Variants in KIF13B observed in about 807,000 individuals in gnomAD.
The protein encoded by KIF13B is kinesin-like protein KIF13B.
KIF13B carries 127 observed loss-of-function variants against 222.0 expected under a neutral mutation model. The ratio of observed to expected loss-of-function variants is 0.57; its 90% CI spans 0.50 to 0.66. The LOEUF is 0.66. Ranked by LOEUF, KIF13B falls within the 30% of genes least tolerant of loss-of-function variation. The pLI is 0.00. For synonymous variants in KIF13B, 976 were observed against 919.0 expected (o/e 1.06, Z -1.12); for missense variants, 2,173 against 2,379.0 (o/e 0.91, Z 1.80).
In KIF13B at chr8:29,092,785, T is replaced by C. The variant is rs772336597; in HGVS notation, c.4418A>G (p.Asp1473Gly). ...KLLKSLFPVR[D>G]EKRGKRPSPL... ...AGACGGCCGCTTGCCCCTCTTCTCA[T>C]CGCGGACGGGAAAGAGAGACTTGAG... The change falls in exon 37 of 40, where the codon GAT becomes GGT. Residue 1473 changes from aspartate (D) to glycine (G), a missense_variant. This residue lies in a region of KIF13B where 693 missense variants were observed against 656.2 expected (regional missense o/e 1.06). Coordinates refer to ENST00000524189, the MANE Select transcript of KIF13B (RefSeq NM_015254.4). 1.2e-6 allele frequency: 2 copies of C among 1,613,534 alleles called. No individual in the cohort carries two copies. The highest frequency in any genetic ancestry group is 1.1e-5 in the South Asian group (1 of 90,920).
In KIF13B at chr8:29,216,603, A is replaced by G. The variant is rs558842801; in HGVS notation, c.150-20404T>C. ...GACAAAGTGAGACTCTGTCTCAAAA[A>G]AGATTTTTTTAATTAAAAAAAAAAT... On this transcript the variant is annotated intron_variant, in intron 2 of 39. Coordinates refer to ENST00000524189, the MANE Select transcript of KIF13B (RefSeq NM_015254.4). Among the ~76,000 whole-genome samples, 94 of 148,332 alleles carry G rather than the reference A, an allele frequency of 6.3e-4. 5 individuals carry two copies. The South Asian group carries it at 0.018, about 29-fold the overall frequency.
chr8:29,140,014 T>G, intron 21 of KIF13B, 49 bp downstream of exon 21: 1 of 1,507,200 alleles, frequency 6.6e-7, no homozygotes, highest in South Asian at 1.3e-5. Flanking sequence ...TGGCAAAAAC[T>G]GCAATGACTT....
chr8:29,105,942 G>C (rs1047391454), intron 35 of KIF13B, among the ~76,000 whole-genome samples: 5 of 151,826 alleles, frequency 3.3e-5, no homozygotes, highest in Non-Finnish European at 7.4e-5. Context: ...TACAGGCCTG[G>C]CCAGAGTTTT....
chr8:29,180,312 A>C, intron 7 of KIF13B, 74 bp from the exon 8 acceptor site: 14 of 1,454,282 alleles, frequency 9.6e-6, no homozygotes, highest in Non-Finnish European at 1.3e-5. Context: ...TATACTACAA[A>C]ATTCATTGCA....
intron 37 of KIF13B, among the ~76,000 whole-genome samples, chr8:29,081,295 G>C (rs1017670522): frequency 6.6e-6 from 1 of 152,180 alleles, no homozygotes; most frequent in South Asian, 2.1e-4. Flanking sequence ...CCCCAACAGG[G>C]CAGCAGCCCT....
intron 1 of KIF13B, among the ~76,000 whole-genome samples, chr8:29,247,311 C>A (rs964762580): frequency 1.3e-5 from 2 of 152,046 alleles, no homozygotes; most frequent in African/African-American, 2.4e-5. Context: ...TCCTTTGAGC[C>A]CAGGAGTTCA....
chr8:29,082,641 A>G (rs1481185507), intron 37 of KIF13B, among the ~76,000 whole-genome samples: 1 of 152,120 alleles, frequency 6.6e-6, no homozygotes, highest in Non-Finnish European at 1.5e-5. Context: ...CTTGTCAGAA[A>G]AAATAAATTA....
intron 4 of KIF13B, 88 bp downstream of exon 4, chr8:29,190,909 G>C (rs1184536440): frequency 3.1e-6 from 3 of 961,262 alleles, no homozygotes; most frequent in Non-Finnish European, 5.1e-6. Flanking sequence ...CACAGTTTGG[G>C]GGGTTTGCCA....
chr8:29,114,039 C>T (rs1780328883), intron 31 of KIF13B, among the ~76,000 whole-genome samples: 2 of 152,180 alleles, frequency 1.3e-5, no homozygotes, highest in South Asian at 2.1e-4. Flanking sequence ...TTTAAGAGTG[C>T]ACGGTCATTG....
chr8:29,261,101 G>A (rs977671586), intron 1 of KIF13B, among the ~76,000 whole-genome samples: 16 of 152,180 alleles, frequency 1.1e-4, no homozygotes, highest in African/African-American at 3.9e-4. Context: ...ATGCACGTCA[G>A]GAAATATAAG....
intron 1 of KIF13B, among the ~76,000 whole-genome samples, chr8:29,256,285 C>T (rs965133351): frequency 2.0e-5 from 3 of 152,214 alleles, no homozygotes; most frequent in Non-Finnish European, 2.9e-5. Context: ...TCATCTAAAT[C>T]AGAGACTTTG....
chr8:29,122,019 C>A (rs1051910856), intron 29 of KIF13B, among the ~76,000 whole-genome samples: 1 of 152,096 alleles, frequency 6.6e-6, no homozygotes, highest in Non-Finnish European at 1.5e-5. Context: ...CTTTGGGAGG[C>A]CAAGGAGGGC....
At chr8:29,161,243 C>T (rs1024388797) in intron 12 of KIF13B, among the ~76,000 whole-genome samples, 1 of 152,186 alleles carries the variant, frequency 6.6e-6, no homozygotes, top group East Asian at 1.9e-4. Context: ...AATAAACTCT[C>T]CTGCTTGACA....
chr8:29,108,157 G>GT lies in KIF13B; in HGVS notation c.4196dup (p.Tyr1399Ter). 1 of 1,612,072 alleles carries GT rather than the reference G, an allele frequency of 6.2e-7. No homozygotes were observed. The highest frequency in any genetic ancestry group is 8.5e-7 in the Non-Finnish European group (1 of 1,179,010). ...CACCTACCTTGTTGCTGCCTAGACT[G>GT]TATGATGGAATGAGATCTTGTCGGC... ...SGSRQDLIPS[Y>*]SLGSNKGRWE... Residue 1399 changes from tyrosine to a stop codon, truncating the protein, a stop_gained and frameshift_variant, in exon 35 of 40, where the codon TAC becomes TAAC. Coordinates refer to ENST00000524189, the MANE Select transcript of KIF13B (RefSeq NM_015254.4). LOFTEE classifies it high-confidence loss of function.
chr8:29,086,207 G>C (rs994788214), intron 37 of KIF13B, among the ~76,000 whole-genome samples: 2 of 152,188 alleles, frequency 1.3e-5, no homozygotes, highest in Admixed American at 6.5e-5. Context: ...ATATCAAAGA[G>C]AGCCCAGGGT....
intron 2 of KIF13B, among the ~76,000 whole-genome samples, chr8:29,231,063 A>G (rs1043184695): frequency 6.6e-6 from 1 of 151,830 alleles, no homozygotes. Flanking sequence ...TTATTTTTGT[A>G]GAGACAGGGT....
intron 22 of KIF13B, among the ~76,000 whole-genome samples, chr8:29,133,578 G>A (rs545195857): frequency 1.3e-5 from 2 of 152,284 alleles, no homozygotes; most frequent in Admixed American, 6.5e-5. Context: ...GTGACTGAGC[G>A]AGACTCTGTC....
At chr8:29,241,492 G>A (rs1169962990) in intron 2 of KIF13B, among the ~76,000 whole-genome samples, 1 of 152,210 alleles carries the variant, frequency 6.6e-6, no homozygotes, top group Non-Finnish European at 1.5e-5. Context: ...GGGGTCTGAG[G>A]ACTCTTGGGG....
At chr8:29,207,818 CAG>C (rs1328982188) in intron 2 of KIF13B, among the ~76,000 whole-genome samples, 3 of 152,034 alleles carry the variant, frequency 2.0e-5, no homozygotes, top group Non-Finnish European at 4.4e-5. Flanking sequence ...TTCCAATAAT[CAG>C]AGTTTTGGGG....
Sources: allele counts gnomAD v4.1 joint callset (sites outside exome capture counted in the v4.1 genomes callset), GRCh38; gene constraint gnomAD v4.1.1; regional missense constraint gnomAD v4.1.1; transcripts MANE v1.5; gene names NCBI Gene and HGNC (gene_info 2026-07-23, HGNC 2026-07-21).